NHSL1: variants seen among roughly 807,000 people sequenced by gnomAD.
NHSL1 encodes NHS like 1.
In NHSL1, 48 loss-of-function variants were observed where a neutral mutation model predicts 95.0. The observed-to-expected ratio is 0.51, with a 90% CI of 0.40 to 0.64. NHSL1 has a LOEUF of 0.64. NHSL1 is among the 30% of genes least tolerant of loss of function. The probability of loss-of-function intolerance (pLI) is 0.00; values close to 1 mark genes in which losing one functional copy is unlikely to be tolerated. For synonymous variants in NHSL1, 783 were observed against 833.9 expected, an observed-to-expected ratio of 0.94 and a Z score of 1.05; for missense variants, 1,971 against 2,077.7, an observed-to-expected ratio of 0.95 and a Z score of 1.00.
At chr6:138,641,094 C>T (rs912104204) in intron 1 of NHSL1, among the ~76,000 whole-genome samples, 2 of 152,170 alleles carry the variant, frequency 1.3e-5, no homozygotes, top group African/African-American at 2.4e-5. Flanking sequence ...AGGCAGATCA[C>T]GAGTTTAAGA....
Position 138,430,395 on chromosome 6 carries a change from G to T in NHSL1, c.3950C>A (p.Ala1317Glu). 1 of 1,472,652 alleles carries T rather than the reference G, an allele frequency of 6.8e-7. No homozygotes were observed. The highest frequency in any genetic ancestry group is 1.4e-5 in the South Asian group (1 of 70,434). The allele number at this position is 1,472,652 out of a possible 1,614,324, so 91.2% of individuals were successfully genotyped here. A position where few individuals can be genotyped will look rare whatever the true frequency, so the allele number is the denominator to read the frequency against. The change falls in exon 6 of 8, where the codon GCA (alanine) becomes GAA (glutamate). Residue 1317 changes from alanine (A) to glutamate (E), a missense_variant and splice_region_variant. By Grantham distance (107) the Ala-to-Glu change is moderately radical. This residue lies in a region of NHSL1 where 146 missense variants were observed against 206.3 expected (regional missense o/e 0.71). Coordinates refer to ENST00000343505, the MANE Select transcript of NHSL1 (RefSeq NM_001144060.2). The surrounding 1 kb of genome is among the most constrained non-coding windows in gnomAD (Gnocchi z 4.7). ...GESCLSQQDG[A>E]AGVPETNAAG... ...AGAAGCCAGGAAGCCAGACTCACCT[G>T]CTCCGTCCTGTTGAGATAGGCAGCT...
At chr6:138,465,388 A>C (rs79561450) in intron 3 of NHSL1, among the ~76,000 whole-genome samples, 7,639 of 152,126 alleles carry the variant, frequency 0.05, 620 homozygotes, top group African/African-American at 0.17. Flanking sequence ...CCATCTCCTA[A>C]CTAACTCCCT....
Position 138,499,416 on chromosome 6 carries a change from T to C in NHSL1, c.-126A>G, listed in dbSNP as rs1180240067. ...TTTTCTTCCCCCGGTCTCATATCCT[T>C]AGACATCTGCCCAGGCTGATGTAAC... is the stretch of plus-strand genomic sequence containing the variant. On this transcript the variant is annotated 5_prime_UTR_variant, in exon 1 of 8. The change abolishes the stop of an existing upstream ORF in the 5' untranslated region. Transcript: ENST00000343505. 2.0e-6 allele frequency: 3 copies of C among 1,466,150 alleles called. No individual in the cohort carries two copies. The highest frequency in any genetic ancestry group is 1.3e-5 in the South Asian group (1 of 74,094). 90.8% of individuals were successfully genotyped at this position (1,466,150 alleles called of 1,614,324 possible).
At chr6:138,676,964 C>A (rs1562410448) in intron 1 of NHSL1, among the ~76,000 whole-genome samples, 1 of 152,184 alleles carries the variant, frequency 6.6e-6, no homozygotes, top group Admixed American at 6.5e-5. Context: ...CCATCTGCTG[C>A]CTTTTATCAA....
chr6:138,480,309 T>C (rs1779338151), intron 2 of NHSL1, among the ~76,000 whole-genome samples: 1 of 152,220 alleles, frequency 6.6e-6, no homozygotes, highest in African/African-American at 2.4e-5. Flanking sequence ...ATGCAGAAAA[T>C]ACCTGAGTAT....
At chr6:138,617,074 A>G (rs988808121) in intron 1 of NHSL1, among the ~76,000 whole-genome samples, 2 of 152,240 alleles carry the variant, frequency 1.3e-5, no homozygotes, top group Non-Finnish European at 2.9e-5. Context: ...GTTCACATAA[A>G]GCAATAAGCA....
Position 138,430,505 on chromosome 6 carries a change from G to A in NHSL1, c.3840C>T (p.Val1280=). 6.4e-7 allele frequency: 1 copy of A among 1,551,454 alleles called. No homozygotes were observed. The highest frequency in any genetic ancestry group is 8.7e-7 in the Non-Finnish European group (1 of 1,146,874). The change falls in exon 6 of 8, where the codon GTC becomes GTT. Residue 1280 remains valine, a synonymous_variant. Transcript: ENST00000343505. This position sits in a 1 kb window ranked among gnomAD's most constrained non-coding sequence, Gnocchi z 4.7. ...SMSPSRVEAN[V]PMVQPDVSPA... ...GTGAGACATCAGGCTGAACCATGGG[G>A]ACATTGGCTTCCACTCTGCTGGGAG...
chr6:138,577,385 C>G (rs145808905), upstream of NHSL1, among the ~76,000 whole-genome samples: 27 of 152,328 alleles, frequency 1.8e-4, no homozygotes, highest in East Asian at 4.8e-3. Context: ...GTGTAGCTTG[C>G]CTGCCCTGTC....
intron 1 of NHSL1, among the ~76,000 whole-genome samples, chr6:138,661,127 G>A (rs1378675123): frequency 1.3e-5 from 2 of 152,074 alleles, no homozygotes; most frequent in African/African-American, 2.4e-5. Flanking sequence ...CTTTTTTTAT[G>A]TATGTGTATG....
chr6:138,455,760 A>T (rs2327892), intron 3 of NHSL1, among the ~76,000 whole-genome samples: 117,992 of 152,074 alleles, frequency 0.78, 46,971 homozygotes, highest in East Asian at 0.93. Context: ...AGCTAGCAAT[A>T]GCATAAACAC....
intron 1 of NHSL1, among the ~76,000 whole-genome samples, chr6:138,534,408 TG>T (rs1216136451): frequency 6.6e-6 from 1 of 152,132 alleles, no homozygotes; most frequent in African/African-American, 2.4e-5. Flanking sequence ...CTCAGTGAGT[TG>T]GGTTGGATCC....
At chr6:138,479,278 C>A (rs910963839) in intron 2 of NHSL1, among the ~76,000 whole-genome samples, 1 of 152,176 alleles carries the variant, frequency 6.6e-6, no homozygotes, top group Non-Finnish European at 1.5e-5. Flanking sequence ...ATATGATTTT[C>A]TTTTGCTGTC....
intron 1 of NHSL1, among the ~76,000 whole-genome samples, chr6:138,690,584 T>G (rs1785652657): frequency 2.6e-5 from 4 of 151,890 alleles, no homozygotes; most frequent in Admixed American, 2.0e-4. Flanking sequence ...CTACTAAAAA[T>G]ACAAAAATTA....
At chr6:138,585,849 C>T (rs1419923956) in intron 1 of NHSL1, among the ~76,000 whole-genome samples, 1 of 151,266 alleles carries the variant, frequency 6.6e-6, no homozygotes, top group African/African-American at 2.4e-5. Flanking sequence ...AAGCTCAAGA[C>T]CAGGGAAACA....
chr6:138,545,805 G>C, upstream of NHSL1: 12 of 1,183,048 alleles, frequency 1.0e-5, no homozygotes, highest in Non-Finnish European at 1.3e-5. Context: ...CAGCCTGCTG[G>C]GCTGTGCTGC....
At chr6:138,445,909 T>C (rs913491415) in intron 4 of NHSL1, among the ~76,000 whole-genome samples, 3 of 152,242 alleles carry the variant, frequency 2.0e-5, no homozygotes, top group African/African-American at 7.2e-5. Flanking sequence ...CCATCAAACA[T>C]ACAATTCAAT....
At chr6:138,449,469 C>G (rs73573221) in intron 3 of NHSL1, among the ~76,000 whole-genome samples, 12,117 of 152,038 alleles carry the variant, frequency 0.08, 1,634 homozygotes, top group African/African-American at 0.28. Context: ...AAAGTCAGGA[C>G]ATCGAGACCA....
At chr6:138,671,194 C>T (rs7745966) in intron 1 of NHSL1, among the ~76,000 whole-genome samples, 4,646 of 151,810 alleles carry the variant, frequency 0.031, 193 homozygotes, top group African/African-American at 0.091. Flanking sequence ...TGGTGGCTCA[C>T]GCCTGTAATC....
chr6:138,688,428 G>A (rs1785616232), intron 1 of NHSL1, among the ~76,000 whole-genome samples: 1 of 151,914 alleles, frequency 6.6e-6, no homozygotes, highest in Non-Finnish European at 1.5e-5. Context: ...GGTGGATCAC[G>A]AGGTCAGGAG....
Sources: gnomAD v4.1 joint callset for allele counts (sites outside exome capture counted in the v4.1 genomes callset) on GRCh38, gnomAD v4.1.1 for gene constraint, gnomAD v4.1.1 regional missense constraint, Gnocchi (gnomAD v3.1) non-coding constraint, MANE v1.5 for transcripts, NCBI Gene and HGNC (gene_info 2026-07-23, HGNC 2026-07-21) for gene names.